LRRTM4: variants seen among roughly 807,000 people sequenced by gnomAD.
LRRTM4 encodes the protein leucine rich repeat transmembrane neuronal 4.
Under a neutral mutation model 47.6 loss-of-function variants are expected in LRRTM4, and 25 were observed. That is an observed-to-expected ratio of 0.53 (90% CI 0.38 to 0.73). LRRTM4 has a LOEUF of 0.73. Among genes scored for constraint, LRRTM4 ranks in the 30% least tolerant of loss-of-function variants. The pLI is 0.00. For synonymous variants in LRRTM4, 311 were observed against 269.5 expected, an observed-to-expected ratio of 1.15 and a Z score of -1.51; for missense variants, 638 against 713.4, an observed-to-expected ratio of 0.89 and a Z score of 1.20.
At chr2:77,127,821 C>T (rs1671687884) in intron 3 of LRRTM4, among the ~76,000 whole-genome samples, 1 of 152,142 alleles carries the variant, frequency 6.6e-6, no homozygotes, top group Non-Finnish European at 1.5e-5. Flanking sequence ...AGCTAAATAG[C>T]CCTTAGATTC....
intron 3 of LRRTM4, among the ~76,000 whole-genome samples, chr2:77,327,134 G>T (rs2104241717): frequency 6.6e-6 from 1 of 152,150 alleles, no homozygotes; most frequent in East Asian, 1.9e-4. Context: ...TCTTCACTTG[G>T]GCAAAAGGAT....
At chr2:77,462,371 T>C (rs1676821997) in intron 3 of LRRTM4, among the ~76,000 whole-genome samples, 1 of 152,096 alleles carries the variant, frequency 6.6e-6, no homozygotes, top group South Asian at 2.1e-4. Flanking sequence ...TAGTCTTCCA[T>C]CACATAGGAA....
Position 77,314,303 on chromosome 2 carries a change from G to T in LRRTM4, c.1551+204015C>A, listed in dbSNP as rs151023700. Reference sequence around the variant, plus strand: ...TATGTTTTAGTATTCAGTGAATGAAGATGCATCAATCATCTATTTTCAAAA... The same window carrying T: ...TATGTTTTAGTATTCAGTGAATGAATATGCATCAATCATCTATTTTCAAAA... On this transcript the variant is annotated intron_variant, in intron 3 of 3. Transcript: ENST00000409884. Among the ~76,000 whole-genome samples the T allele has an allele frequency of 1.4e-3, 220 of 152,212 alleles. 2 individuals carry two copies. The highest frequency in any genetic ancestry group is 5.0e-3 in the African/African-American group (207 of 41,538).
At chr2:77,121,799 T>C (rs922616296) in intron 3 of LRRTM4, among the ~76,000 whole-genome samples, 1 of 151,848 alleles carries the variant, frequency 6.6e-6, no homozygotes, top group African/African-American at 2.4e-5. Flanking sequence ...TATTTAAGGT[T>C]ACCGTCTTTT....
intron 3 of LRRTM4, among the ~76,000 whole-genome samples, chr2:76,883,987 T>A (rs1673001093): frequency 6.6e-6 from 1 of 150,580 alleles, no homozygotes; most frequent in African/African-American, 2.4e-5. Context: ...CCGGCTAATT[T>A]TTTTTTTTTT....
chr2:76,752,644 T>C (rs56748866), intron 3 of LRRTM4, among the ~76,000 whole-genome samples: 10,478 of 152,236 alleles, frequency 0.069, 714 homozygotes, highest in East Asian at 0.29. Flanking sequence ...AAGTGTATTC[T>C]ATAGGGCACT....
At chr2:77,190,831 T>A (rs552572841) in intron 3 of LRRTM4, among the ~76,000 whole-genome samples, 1 of 152,284 alleles carries the variant, frequency 6.6e-6, no homozygotes. Flanking sequence ...ATACATAAAC[T>A]GTACTTAGCC....
intron 3 of LRRTM4, among the ~76,000 whole-genome samples, chr2:77,162,854 A>T (rs988163752): frequency 1.3e-5 from 2 of 152,170 alleles, no homozygotes; most frequent in African/African-American, 4.8e-5. Flanking sequence ...GGTAGATTAA[A>T]CCACAAAGAT....
chr2:77,336,289 C>G (rs1671166591), intron 3 of LRRTM4, among the ~76,000 whole-genome samples: 1 of 141,040 alleles, frequency 7.1e-6, no homozygotes, highest in African/African-American at 2.7e-5. Flanking sequence ...AGAAAGGAAA[C>G]AAGGAAGGAA....
intron 3 of LRRTM4, among the ~76,000 whole-genome samples, chr2:77,051,753 A>T (rs1679440642): frequency 6.6e-6 from 1 of 152,216 alleles, no homozygotes; most frequent in African/African-American, 2.4e-5. Context: ...ACATAAAGAC[A>T]AAATTAATGA....
At chr2:77,130,212 C>T (rs1479989428) in intron 3 of LRRTM4, among the ~76,000 whole-genome samples, 1 of 152,120 alleles carries the variant, frequency 6.6e-6, no homozygotes, top group Non-Finnish European at 1.5e-5. Flanking sequence ...TTGAACTTCA[C>T]ACAAAAAGTA....
intron 3 of LRRTM4, among the ~76,000 whole-genome samples, chr2:76,940,342 T>C (rs200022885): frequency 1.3e-5 from 2 of 152,038 alleles, no homozygotes; most frequent in East Asian, 1.9e-4. Context: ...TGCAGGAACA[T>C]GGAGAGAGCT....
At chr2:77,348,860 T>C (rs997064916) in intron 3 of LRRTM4, among the ~76,000 whole-genome samples, 1 of 151,568 alleles carries the variant, frequency 6.6e-6, no homozygotes, top group Non-Finnish European at 1.5e-5. Context: ...AAAAAAACTA[T>C]CAACATAATC....
intron 3 of LRRTM4, among the ~76,000 whole-genome samples, chr2:76,790,924 G>T (rs552918655): frequency 2.6e-5 from 4 of 152,142 alleles, no homozygotes; most frequent in African/African-American, 9.7e-5. Flanking sequence ...ATACTAAGCT[G>T]TTATAGTGGA....
At chr2:76,813,141 G>A (rs940436231) in intron 3 of LRRTM4, among the ~76,000 whole-genome samples, 4 of 151,982 alleles carry the variant, frequency 2.6e-5, no homozygotes, top group African/African-American at 9.7e-5. Flanking sequence ...TCTACCCTGG[G>A]CAACAAGAGC....
At chr2:76,875,430 C>A (rs369212629) in intron 3 of LRRTM4, among the ~76,000 whole-genome samples, 2 of 152,028 alleles carry the variant, frequency 1.3e-5, no homozygotes, top group East Asian at 3.9e-4. Flanking sequence ...TCTACATTCC[C>A]AGGAGGTCAC....
chr2:76,776,535 T>C (rs1320272600), intron 3 of LRRTM4, among the ~76,000 whole-genome samples: 8 of 152,222 alleles, frequency 5.3e-5, no homozygotes, highest in Admixed American at 5.2e-4. Context: ...TTCATGTGTT[T>C]TTTGGCTGCA....
intron 3 of LRRTM4, among the ~76,000 whole-genome samples, chr2:77,001,019 C>G (rs1677405519): frequency 6.6e-6 from 1 of 152,070 alleles, no homozygotes; most frequent in African/African-American, 2.4e-5. Flanking sequence ...GAACCTGACA[C>G]ACAAATAAAA....
chr2:77,040,292 C>A lies in LRRTM4; in HGVS notation c.1552-291376G>T, dbSNP rs530793034. ...ATAAAATCATGATGTATGCAAATTA[C>A]AGCTCATCATTTGCTAAATGCTTGC... On this transcript the variant is annotated intron_variant, in intron 3 of 3. Coordinates refer to ENST00000409884, the MANE Select transcript of LRRTM4 (RefSeq NM_001134745.3). Among the ~76,000 whole-genome samples, 11 of 151,450 alleles carry A rather than the reference C, an allele frequency of 7.3e-5. No homozygotes were observed. In the Admixed American group the frequency reaches 7.3e-4, roughly 10 times the overall value.
Sources: gnomAD v4.1 joint callset for allele counts (sites outside exome capture counted in the v4.1 genomes callset) on GRCh38, gnomAD v4.1.1 for gene constraint, MANE v1.5 for transcripts, NCBI Gene and HGNC (gene_info 2026-07-23, HGNC 2026-07-21) for gene names.